CD44: variants seen among roughly 807,000 people sequenced by gnomAD.
The protein encoded by CD44 is CD44 molecule (IN blood group).
CD44 carries 49 observed loss-of-function variants against 88.8 expected under a neutral mutation model. That is an observed-to-expected ratio of 0.55 (90% CI 0.44 to 0.70). The LOEUF is 0.70. Ranked by LOEUF, CD44 falls within the 30% of genes least tolerant of loss-of-function variation. CD44 has a pLI of 0.00. For synonymous variants in CD44, 325 were observed against 312.3 expected, an observed-to-expected ratio of 1.04 and a Z score of -0.43; for missense variants, 883 against 913.8, an observed-to-expected ratio of 0.97 and a Z score of 0.43.
At chr11:35,228,298 C>T (rs373936723) in intron 17 of CD44, among the ~76,000 whole-genome samples, 10 of 152,298 alleles carry the variant, frequency 6.6e-5, no homozygotes, top group African/African-American at 2.4e-4. Context: ...TGTTATTAAA[C>T]TTCCTATATC....
At chr11:35,216,665 T>C (rs1214438693) in intron 15 of CD44, among the ~76,000 whole-genome samples, 1 of 152,116 alleles carries the variant, frequency 6.6e-6, no homozygotes, top group Non-Finnish European at 1.5e-5. Flanking sequence ...CTAGAGTTAT[T>C]GTGAGGAAGA....
At chr11:35,223,020 G>A in intron 17 of CD44, 1 of 985,356 alleles carries the variant, frequency 1.0e-6, no homozygotes, top group Non-Finnish European at 1.2e-6. Flanking sequence ...ATCAAATGAT[G>A]CTGTTACAAT....
chr11:35,182,223 A>G (rs1240724534), intron 3 of CD44, among the ~76,000 whole-genome samples: 1 of 151,480 alleles, frequency 6.6e-6, no homozygotes, highest in African/African-American at 2.4e-5. Flanking sequence ...CAAAAATTAA[A>G]ATTAATTGTG....
intron 6 of CD44, chr11:35,197,719 C>CAAA (rs550761818): frequency 4.9e-5 from 4 of 81,118 alleles, no homozygotes; most frequent in African/African-American, 1.4e-4. Context: ...GTGTCTTGAC[C>CAAA]AAAAAAAAAA....
intron 3 of CD44, among the ~76,000 whole-genome samples, chr11:35,184,266 G>A (rs1320154908): frequency 1.3e-5 from 2 of 152,204 alleles, no homozygotes; most frequent in Non-Finnish European, 2.9e-5. Flanking sequence ...GGAGCATGAA[G>A]GGGGTCCATG....
intron 15 of CD44, among the ~76,000 whole-genome samples, chr11:35,217,187 A>G (rs1405554520): frequency 2.6e-5 from 4 of 151,776 alleles, no homozygotes; most frequent in African/African-American, 9.7e-5. Flanking sequence ...TTGGCTTCTG[A>G]GCAGGTGTCT....
rs1382416433 is a variant in CD44, at chr11:35,229,538, G to A, written c.*205G>A. 5 of 547,742 alleles carry A rather than the reference G, an allele frequency of 9.1e-6. No homozygotes were observed. The highest frequency in any genetic ancestry group is 9.4e-4 in the Middle Eastern group (2 of 2,126). 33.9% of individuals were successfully genotyped at this position (547,742 alleles called of 1,614,324 possible). On this transcript the variant is annotated 3_prime_UTR_variant, in exon 18 of 18. Coordinates refer to ENST00000428726, the MANE Select transcript of CD44 (RefSeq NM_000610.4). ...AAAACAGCATTGCTTTCTGAAATTA[G>A]GGCCCAATTAATAATCAGCAAGAAT...
chr11:35,201,620 T>G lies in CD44; in HGVS notation c.1037-51T>G, dbSNP rs1312965958. On this transcript the variant is annotated intron_variant, in intron 8 of 17. Transcript: ENST00000428726. ...CACTTTAATGGAAGAATAGAATCAT[T>G]AAAGATTGGTTGATAACAAGTCACA... 3 of 1,606,740 alleles carry G rather than the reference T, an allele frequency of 1.9e-6. No individual in the cohort carries two copies. In the East Asian group the frequency reaches 6.7e-5, roughly 36 times the overall value.
At chr11:35,175,454 TTGTGTGTA>T (rs1034160749) in intron 1 of CD44, among the ~76,000 whole-genome samples, 1 of 152,304 alleles carries the variant, frequency 6.6e-6, no homozygotes, top group East Asian at 1.9e-4. Flanking sequence ...GTATGTATAT[TTGTGTGTA>T]TGTGTGTATG....
At chr11:35,189,448 A>C (rs1946051145) in intron 4 of CD44, among the ~76,000 whole-genome samples, 1 of 152,238 alleles carries the variant, frequency 6.6e-6, no homozygotes, top group South Asian at 2.1e-4. Context: ...GAGTAGGGAA[A>C]CAAGTGGGAG....
At chr11:35,161,741 T>C (rs1406447935) in intron 1 of CD44, among the ~76,000 whole-genome samples, 1 of 152,188 alleles carries the variant, frequency 6.6e-6, no homozygotes, top group African/African-American at 2.4e-5. Context: ...GTTTCCCTTG[T>C]CTACCCTACT....
At chr11:35,229,014 C>T in intron 17 of CD44, 115 bp from the exon 18 acceptor site, 1 of 875,632 alleles carries the variant, frequency 1.1e-6, no homozygotes, top group Non-Finnish European at 1.8e-6. Context: ...GCTTGGCACA[C>T]ACTAAAGCCA....
intron 1 of CD44, 116 bp downstream of exon 1, chr11:35,139,486 G>A (rs968402198): frequency 2.7e-5 from 25 of 909,624 alleles, no homozygotes; most frequent in Middle Eastern, 2.1e-4. Flanking sequence ...TGAGCTGTCT[G>A]CGAAGTGCAT....
intron 1 of CD44, among the ~76,000 whole-genome samples, chr11:35,161,517 C>T (rs774068579): frequency 1.5e-4 from 23 of 152,216 alleles, no homozygotes; most frequent in Non-Finnish European, 2.6e-4. Flanking sequence ...GCCTTGCAAG[C>T]GTTCAGAGGG....
intron 2 of CD44, 70 bp downstream of exon 2, chr11:35,176,810 G>T: frequency 6.9e-7 from 1 of 1,451,436 alleles, no homozygotes. Context: ...CTTAGAACTG[G>T]AAGGCTCCTT....
chr11:35,220,147 C>A (rs897444291), intron 16 of CD44, among the ~76,000 whole-genome samples: 1 of 152,140 alleles, frequency 6.6e-6, no homozygotes, highest in Non-Finnish European at 1.5e-5. Context: ...TGGCATGCAC[C>A]GTTCTCCTTT....
At chr11:35,161,392 A>G (rs977393252) in intron 1 of CD44, among the ~76,000 whole-genome samples, 3 of 152,128 alleles carry the variant, frequency 2.0e-5, no homozygotes, top group African/African-American at 7.2e-5. Context: ...GATCTTTCCG[A>G]TCCAAGCCAT....
intron 17 of CD44, chr11:35,222,989 A>G (rs901571701): frequency 2.0e-6 from 2 of 985,430 alleles, no homozygotes; most frequent in Non-Finnish European, 2.4e-6. Flanking sequence ...CAGCCCATAC[A>G]GTCTCTAATT....
chr11:35,227,266 G>A (rs1227211864), intron 17 of CD44, among the ~76,000 whole-genome samples: 4 of 152,096 alleles, frequency 2.6e-5, no homozygotes, highest in African/African-American at 9.7e-5. Flanking sequence ...GCTCACTGCA[G>A]CCTCGACTTC....
Sources: allele counts gnomAD v4.1 joint callset (sites outside exome capture counted in the v4.1 genomes callset), GRCh38; gene constraint gnomAD v4.1.1; transcripts MANE v1.5; gene names NCBI Gene and HGNC (gene_info 2026-07-23, HGNC 2026-07-21).